The following PTPN3 variants were observed in gnomAD, a reference collection of about 807,000 sequenced individuals.
PTPN3 encodes protein tyrosine phosphatase non-receptor type 3.
PTPN3 carries 96 observed loss-of-function variants against 132.7 expected under a neutral mutation model. That is an observed-to-expected ratio of 0.72 (90% confidence interval 0.61 to 0.86). PTPN3 has a LOEUF of 0.86. PTPN3 is among the 40% of genes least tolerant of loss of function. PTPN3 has a pLI of 0.00. For synonymous variants in PTPN3, 398 were observed against 429.0 expected, an observed-to-expected ratio of 0.93 and a Z score of 0.89; for missense variants, 1,125 against 1,159.6, an observed-to-expected ratio of 0.97 and a Z score of 0.43.
In PTPN3 at chr9:109,377,395, T is replaced by TACACACACACACACACACACACACAC. The variant is rs55719272; in HGVS notation, c.*2135_*2160dup. Reference sequence around the variant, plus strand: ...AGGCAACACATCAAGATCCTGTCTCTACACACACACACACACACACACACA... The same window carrying TACACACACACACACACACACACACAC: ...AGGCAACACATCAAGATCCTGTCTCTACACACACACACACACACACACACACACACACACACACACACACACACACA... On this transcript the variant is annotated 3_prime_UTR_variant, in exon 26 of 26. Transcript: ENST00000374541. 3 of 106,816 alleles carry TACACACACACACACACACACACACAC rather than the reference T, an allele frequency of 2.8e-5. No individual in the cohort carries two copies. Among genetic ancestry groups the TACACACACACACACACACACACACAC allele is most frequent in the African/African-American group, 3.8e-5 (1 of 26,338 alleles). 6.6% of individuals were successfully genotyped at this position (106,816 alleles called of 1,614,324 possible).
rs1247537083 is a variant in PTPN3 at position 109,433,921 on chromosome 9, A to ATTT, written c.676-761_676-760insAAA. On this transcript the variant is annotated intron_variant, in intron 9 of 25. Coordinates refer to ENST00000374541, the MANE Select transcript of PTPN3 (RefSeq NM_002829.4). Reference sequence around the variant, plus strand: ...CAGCAGAGGGAGACTCTGTTTAAAAAAAAAAAAAAAAAAAAAAAAAAAGCG... The same window carrying ATTT: ...CAGCAGAGGGAGACTCTGTTTAAAAATTTAAAAAAAAAAAAAAAAAAAAAAGCG... Among the ~76,000 whole-genome samples the ATTT allele has an allele frequency of 9.1e-4, 132 of 144,794 alleles. 4 individuals carry two copies. The highest frequency in any genetic ancestry group is 3.6e-3 in the Middle Eastern group (1 of 280). 95.0% of individuals were successfully genotyped at this position (144,794 alleles called of 152,430 possible). A position where few individuals can be genotyped will look rare whatever the true frequency, so the allele number is the denominator to read the frequency against.
At chr9:109,463,567 T>C (rs574101473) in intron 1 of PTPN3, 116 bp from the exon 2 acceptor site, 3 of 923,254 alleles carry the variant, frequency 3.2e-6, no homozygotes, top group Admixed American at 5.9e-5. Flanking sequence ...TCACAGATAA[T>C]GAGAACTACA....
chr9:109,481,078 C>T (rs750670299), intron 1 of PTPN3, among the ~76,000 whole-genome samples: 23 of 152,234 alleles, frequency 1.5e-4, no homozygotes, highest in East Asian at 5.8e-4. Context: ...ATATCAACAA[C>T]GGCATTTACA....
At chr9:109,492,075 C>T (rs1265812798) in intron 1 of PTPN3, among the ~76,000 whole-genome samples, 3 of 152,096 alleles carry the variant, frequency 2.0e-5, no homozygotes, top group African/African-American at 7.2e-5. Context: ...CTACAAGAAC[C>T]ATGAATGCAT....
the PTPN3 span, among the ~76,000 whole-genome samples, chr9:109,504,025 T>C: frequency 2.6e-5 from 4 of 152,076 alleles, no homozygotes; most frequent in Non-Finnish European, 4.4e-5. Flanking sequence ...GTAAGTATAG[T>C]AGGGAGAGGG....
the PTPN3 span, among the ~76,000 whole-genome samples, chr9:109,523,793 T>A: frequency 6.6e-6 from 1 of 152,236 alleles, no homozygotes. Flanking sequence ...ACACACATAG[T>A]GTATGCGGCC....
intron 1 of PTPN3, among the ~76,000 whole-genome samples, chr9:109,466,627 G>A (rs147659684): frequency 4.6e-5 from 7 of 152,344 alleles, no homozygotes; most frequent in Admixed American, 3.9e-4. Flanking sequence ...GGTCTTGATA[G>A]GACCCAAGAG....
chr9:109,532,509 C>A, the PTPN3 span, among the ~76,000 whole-genome samples: 88 of 151,422 alleles, frequency 5.8e-4, no homozygotes, highest in African/African-American at 1.8e-3. Context: ...AAATGAAGTT[C>A]TTACACATCT....
At chr9:109,415,068 GTCCATCCAACCATCCA>G (rs1488384388) in intron 14 of PTPN3, among the ~76,000 whole-genome samples, 4 of 79,704 alleles carry the variant, frequency 5.0e-5, no homozygotes, top group East Asian at 4.9e-4. Context: ...CCATCCGTCC[GTCCATCCAACCATCCA>G]TCCATCCATC....
intron 14 of PTPN3, among the ~76,000 whole-genome samples, chr9:109,419,020 T>A (rs1290412094): frequency 6.6e-6 from 1 of 152,246 alleles, no homozygotes; most frequent in Non-Finnish European, 1.5e-5. Flanking sequence ...TATTTCTAGA[T>A]GTGCTTGTGG....
the PTPN3 span, chr9:109,532,805 G>A: frequency 1.0e-5 from 7 of 680,374 alleles, no homozygotes; most frequent in Middle Eastern, 5.7e-4. Flanking sequence ...TACACCGGTT[G>A]ATGATAGAGA....
At chr9:109,510,570 A>ATATAT in the PTPN3 span, among the ~76,000 whole-genome samples, 2 of 78,490 alleles carry the variant, frequency 2.5e-5, no homozygotes, top group Non-Finnish European at 5.1e-5. Context: ...AAAAAAAAAA[A>ATATAT]AAAAAAATAT....
At chr9:109,513,975 G>A in the PTPN3 span, among the ~76,000 whole-genome samples, 1 of 152,116 alleles carries the variant, frequency 6.6e-6, no homozygotes, top group Non-Finnish European at 1.5e-5. Flanking sequence ...AGCTTAACAA[G>A]CCCCAAGCTA....
At chr9:109,532,398 G>A in the PTPN3 span, among the ~76,000 whole-genome samples, 1 of 152,112 alleles carries the variant, frequency 6.6e-6, no homozygotes, top group South Asian at 2.1e-4. Context: ...AATCCCATTG[G>A]CTCTTTTTAT....
At position 109,454,585 on chromosome 9, in the gene PTPN3, T is replaced by A; in HGVS notation, c.290-11A>T. The A allele has an allele frequency of 2.5e-6, 4 of 1,605,088 alleles. No individual in the cohort carries two copies. Among genetic ancestry groups the A allele is most frequent in the Non-Finnish European group, 3.4e-6 (4 of 1,173,198 alleles). ...TACAGGGGAAACCTCCTACAACATT[T>A]TTCAAAAACAAATTAAATTTTCCCT... is the stretch of plus-strand genomic sequence containing the variant. On this transcript the variant is annotated splice_polypyrimidine_tract_variant and intron_variant, in intron 4 of 25. Transcript: ENST00000374541.
chr9:109,505,312 A>G, the PTPN3 span, among the ~76,000 whole-genome samples: 1 of 152,184 alleles, frequency 6.6e-6, no homozygotes, highest in East Asian at 1.9e-4. Context: ...TTGCTCTGTC[A>G]CCCAGACTGG....
intron 21 of PTPN3, among the ~76,000 whole-genome samples, chr9:109,390,910 A>G (rs1202825196): frequency 6.6e-6 from 1 of 152,206 alleles, no homozygotes; most frequent in East Asian, 1.9e-4. Flanking sequence ...GTCTGGTCCC[A>G]TCTTCTGTTA....
intron 19 of PTPN3, among the ~76,000 whole-genome samples, chr9:109,400,815 A>G (rs567503031): frequency 5.6e-4 from 85 of 152,346 alleles, no homozygotes; most frequent in African/African-American, 1.9e-3. Flanking sequence ...AGTGCTCATG[A>G]AAGCTTTCCT....
At chr9:109,506,690 C>T in the PTPN3 span, among the ~76,000 whole-genome samples, 1 of 151,834 alleles carries the variant, frequency 6.6e-6, no homozygotes, top group African/African-American at 2.4e-5. Flanking sequence ...GTGGCTTCAA[C>T]CTCCCAGGCT....
Sources: allele counts gnomAD v4.1 joint callset (sites outside exome capture counted in the v4.1 genomes callset), GRCh38; gene constraint gnomAD v4.1.1; transcripts MANE v1.5; gene names NCBI Gene and HGNC (gene_info 2026-07-23, HGNC 2026-07-21).